Variants in GRIA1 observed in about 807,000 individuals in gnomAD.
The protein encoded by GRIA1 is glutamate ionotropic receptor AMPA type subunit 1.
A neutral mutation model predicts 99.2 loss-of-function variants in GRIA1; 31 were observed. That is an observed-to-expected ratio of 0.31 (90% CI 0.23 to 0.42). The LOEUF is 0.42. Among genes scored for constraint, GRIA1 ranks in the 10% least tolerant of loss-of-function variants. The pLI is 1.00. For missense variants in GRIA1, 782 were observed against 1,157.5 expected, an observed-to-expected ratio of 0.68 and a Z score of 4.71; for synonymous variants, 438 against 432.4, an observed-to-expected ratio of 1.01 and a Z score of -0.16.
chr5:153,516,394 CA>C (rs1326450408), intron 2 of GRIA1, among the ~76,000 whole-genome samples: 5 of 151,712 alleles, frequency 3.3e-5, no homozygotes, highest in African/African-American at 1.2e-4. Context: ...GTGCTAGTCA[CA>C]TCAATCCCAC....
chr5:153,695,354 G>A (rs530677276), intron 8 of GRIA1, among the ~76,000 whole-genome samples: 1 of 152,188 alleles, frequency 6.6e-6, no homozygotes, highest in Non-Finnish European at 1.5e-5. Context: ...CAGCTAGAAG[G>A]CTCCTTGAGA....
chr5:153,756,264 C>T (rs957202855), intron 11 of GRIA1, among the ~76,000 whole-genome samples: 31 of 152,070 alleles, frequency 2.0e-4, no homozygotes, highest in Admixed American at 1.5e-3. Context: ...TCTCAGCTTT[C>T]ACCCCTCTTG....
At chr5:153,555,151 C>T (rs4997015) in intron 2 of GRIA1, among the ~76,000 whole-genome samples, 70,072 of 150,728 alleles carry the variant, frequency 0.46, 17,987 homozygotes, top group Non-Finnish European at 0.59. Flanking sequence ...AGAGTAAACA[C>T]CTTTTTTATA....
At chr5:153,592,733 A>G (rs1764077629) in intron 2 of GRIA1, among the ~76,000 whole-genome samples, 1 of 152,120 alleles carries the variant, frequency 6.6e-6, no homozygotes, top group Non-Finnish European at 1.5e-5. Context: ...CTGCTATAAC[A>G]AATACTATAG....
At chr5:153,543,156 A>C (rs1759290857) in intron 2 of GRIA1, among the ~76,000 whole-genome samples, 1 of 152,132 alleles carries the variant, frequency 6.6e-6, no homozygotes, top group African/African-American at 2.4e-5. Flanking sequence ...TGGAGATGTG[A>C]TGGAGGTGGT....
At chr5:153,674,246 T>A (rs1391171329) in intron 5 of GRIA1, among the ~76,000 whole-genome samples, 1 of 152,246 alleles carries the variant, frequency 6.6e-6, no homozygotes, top group African/African-American at 2.4e-5. Flanking sequence ...GTAACTTAGT[T>A]AATAGTGGTA....
chr5:153,728,071 T>C (rs1760705628), intron 11 of GRIA1, among the ~76,000 whole-genome samples: 2 of 150,968 alleles, frequency 1.3e-5, no homozygotes, highest in African/African-American at 4.9e-5. Flanking sequence ...CCCTCAGAAA[T>C]AATGCCGCAT....
chr5:153,514,892 AAAACCACAGCATAAT>A (rs1292759474), intron 2 of GRIA1, among the ~76,000 whole-genome samples: 12 of 152,230 alleles, frequency 7.9e-5, no homozygotes, highest in Admixed American at 2.6e-4. Flanking sequence ...AATGCAAATT[AAAACCACAGCATAAT>A]ATCACCTCAG....
chr5:153,700,499 TG>T lies in GRIA1; in HGVS notation c.1452+1428del, dbSNP rs1354005434. ...TGTGAGAGGAGAATGAGAAAACGCA[TG>T]GTTTTTGTTGAGGACTTGGGTTGAA... On this transcript the variant is annotated intron_variant, in intron 10 of 15. Transcript: ENST00000285900. Among the ~76,000 whole-genome samples the T allele has an allele frequency of 2.0e-5, 3 of 152,246 alleles. No homozygotes were observed. The East Asian group carries it at 5.8e-4, about 29-fold the overall frequency.
chr5:153,495,014 G>T (rs1177807706), intron 2 of GRIA1, among the ~76,000 whole-genome samples: 1 of 152,106 alleles, frequency 6.6e-6, no homozygotes, highest in East Asian at 1.9e-4. Context: ...TATTTCCTTT[G>T]TGTCTTTCTC....
chr5:153,617,672 A>C (rs1037174467), intron 2 of GRIA1, among the ~76,000 whole-genome samples: 1 of 152,224 alleles, frequency 6.6e-6, no homozygotes, highest in Non-Finnish European at 1.5e-5. Context: ...AAGGCCCTAC[A>C]GAACAAACCA....
intron 2 of GRIA1, among the ~76,000 whole-genome samples, chr5:153,499,381 C>T (rs773230414): frequency 3.3e-5 from 5 of 151,866 alleles, no homozygotes; most frequent in African/African-American, 4.8e-5. Flanking sequence ...TTTGGAAGGC[C>T]GAGGTGGGCA....
intron 11 of GRIA1, among the ~76,000 whole-genome samples, chr5:153,708,498 T>A (rs1337168100): frequency 6.6e-6 from 1 of 152,196 alleles, no homozygotes; most frequent in African/African-American, 2.4e-5. Context: ...AACTCTACTC[T>A]ATGCCTCTTT....
intron 15 of GRIA1, among the ~76,000 whole-genome samples, chr5:153,809,105 A>C (rs1161208007): frequency 6.6e-6 from 1 of 152,268 alleles, no homozygotes; most frequent in Non-Finnish European, 1.5e-5. Context: ...TGTGGCAGAG[A>C]AAAATCATGA....
chr5:153,617,414 T>G (rs1399004403), intron 2 of GRIA1, among the ~76,000 whole-genome samples: 2 of 152,256 alleles, frequency 1.3e-5, no homozygotes, highest in African/African-American at 2.4e-5. Context: ...GGCTGCTGGC[T>G]TTTAATTCTT....
intron 6 of GRIA1, among the ~76,000 whole-genome samples, chr5:153,675,357 G>A (rs528940244): frequency 6.6e-6 from 1 of 152,306 alleles, no homozygotes; most frequent in East Asian, 1.9e-4. Flanking sequence ...ATCTCTACCT[G>A]GGAGAGTCCA....
intron 11 of GRIA1, chr5:153,755,780 C>G (rs987285375): frequency 2.0e-5 from 3 of 152,254 alleles, no homozygotes; most frequent in Non-Finnish European, 4.4e-5. Flanking sequence ...GGAAAAAAGT[C>G]TCTCTGCAGG....
At chr5:153,509,874 T>A (rs1420903081) in intron 2 of GRIA1, among the ~76,000 whole-genome samples, 1 of 152,318 alleles carries the variant, frequency 6.6e-6, no homozygotes, top group African/African-American at 2.4e-5. Flanking sequence ...ACAAGCTTCT[T>A]TGGAAATGCC....
At chr5:153,515,436 A>G (rs1181278154) in intron 2 of GRIA1, among the ~76,000 whole-genome samples, 1 of 152,200 alleles carries the variant, frequency 6.6e-6, no homozygotes, top group Non-Finnish European at 1.5e-5. Context: ...TCAAACTCGT[A>G]GAAGTAAAGA....
Sources: gnomAD v4.1 joint callset for allele counts (sites outside exome capture counted in the v4.1 genomes callset) on GRCh38, gnomAD v4.1.1 for gene constraint, MANE v1.5 for transcripts, NCBI Gene and HGNC (gene_info 2026-07-23, HGNC 2026-07-21) for gene names.